Variants in ZNF528 observed in about 807,000 individuals in gnomAD.
ZNF528 encodes the protein zinc finger protein 528.
In ZNF528, 9 loss-of-function variants were observed where a neutral mutation model predicts 13.3. The observed-to-expected ratio is 0.67, with a 90% CI of 0.41 to 1.18. The LOEUF (loss-of-function observed/expected upper bound fraction) is 1.18. Among genes scored for constraint, ZNF528 ranks in the 50% most tolerant of loss-of-function variants. The pLI, the probability that ZNF528 is intolerant of heterozygous loss-of-function variation, is 0.01. For missense variants in ZNF528, 858 were observed against 745.4 expected, an observed-to-expected ratio of 1.15 and a Z score of -1.76; for synonymous variants, 264 against 254.3, an observed-to-expected ratio of 1.04 and a Z score of -0.36.
rs529226633 is a variant in ZNF528, at chr19:52,401,866, G to A, written c.-67-81G>A. The A allele has an allele frequency of 3.9e-6, 6 of 1,549,408 alleles. No homozygotes were observed. The East Asian group carries it at 7.3e-5, about 19-fold the overall frequency. ...AGTTTGAGGATTACCTCAGGGTGAG[G>A]TCTTCCCTTTGTGTGTGGCTATGGC... is the stretch of plus-strand genomic sequence containing the variant. On this transcript the variant is annotated intron_variant, in intron 3 of 6. Transcript: ENST00000360465.
At chr19:52,410,429 A>G (rs1210442676) in intron 6 of ZNF528, among the ~76,000 whole-genome samples, 1 of 152,208 alleles carries the variant, frequency 6.6e-6, no homozygotes, top group Non-Finnish European at 1.5e-5. Flanking sequence ...TAGATGTCCC[A>G]GTAGATAATC....
chr19:52,414,886 T>G (rs2058979199), intron 6 of ZNF528: 1 of 1,415,416 alleles, frequency 7.1e-7, no homozygotes, highest in South Asian at 1.2e-5. Context: ...CTGTTGTATT[T>G]CTCTGCTCAT....
intron 6 of ZNF528, chr19:52,414,544 T>A (rs1279376030): frequency 1.9e-6 from 1 of 531,756 alleles, no homozygotes; most frequent in African/African-American, 1.9e-5. Context: ...AACAATAGAC[T>A]GTAGATGTCC....
rs761080509 is a variant in ZNF528, at chr19:52,415,626, A to G, written c.774A>G (p.Gln258=). Residue 258 remains glutamine, a synonymous_variant, in exon 7 of 7, where the codon CAA becomes CAG. Coordinates refer to ENST00000360465, the MANE Select transcript of ZNF528 (RefSeq NM_032423.3). ...TCAGTAGCAATTCAAACCTTTCACA[A>G]CATCAAAGAATTCATACTGGAGAGA... ...KLFSSNSNLS[Q]HQRIHTGEKP... 3.1e-6 allele frequency: 5 copies of G among 1,614,078 alleles called. No individual in the cohort carries two copies. The African/African-American group carries it at 5.3e-5, about 17-fold the overall frequency.
chr19:52,403,685 A>G (rs568808922), intron 4 of ZNF528, among the ~76,000 whole-genome samples: 3 of 142,568 alleles, frequency 2.1e-5, no homozygotes, highest in East Asian at 4.1e-4. Context: ...AAAAAAAGTC[A>G]GTGAGAGACA....
intron 6 of ZNF528, among the ~76,000 whole-genome samples, chr19:52,407,566 A>G (rs2058873796): frequency 6.6e-6 from 1 of 150,408 alleles, no homozygotes; most frequent in Non-Finnish European, 1.5e-5. Flanking sequence ...ACTTGAGGCC[A>G]GGAGTCCGAG....
Position 52,416,035 on chromosome 19 carries a change from T to G in ZNF528, c.1183T>G (p.Phe395Val). Reference sequence around the variant, plus strand: ...TGACAAGGTCTTTGGGCGCAAGTGTTTCCTGACCTCTCATCAGAGAATTCA... The same window carrying G: ...TGACAAGGTCTTTGGGCGCAAGTGTGTCCTGACCTCTCATCAGAGAATTCA... ...ECDKVFGRKCFLTSHQRIHTR... is the reference protein window; with the variant it reads ...ECDKVFGRKCVLTSHQRIHTR... The change falls in exon 7 of 7, where the codon TTC becomes GTC. Residue 395 changes from phenylalanine to valine, a missense_variant. Transcript: ENST00000360465. 6.2e-7 allele frequency: 1 copy of G among 1,614,096 alleles called. No individual in the cohort carries two copies. Among genetic ancestry groups the G allele is most frequent in the Non-Finnish European group, 8.5e-7 (1 of 1,180,034 alleles).
chr19:52,416,410 C>G lies in ZNF528; in HGVS notation c.1558C>G (p.Pro520Ala). Residue 520 changes from proline (P) to alanine (A), a missense_variant, in exon 7 of 7, where the codon CCT (proline) becomes GCT (alanine). Transcript: ENST00000360465. ...TCAGAAAATTCATACAGGAGAAAAG[C>G]CTTACAAATGTAATCAATGTGGCAA... ...CHQKIHTGEK[P>A]YKCNQCGKVF... 6.2e-7 allele frequency: 1 copy of G among 1,614,100 alleles called. No homozygotes were observed. Among genetic ancestry groups the G allele is most frequent in the South Asian group, 1.1e-5 (1 of 91,078 alleles).
At chr19:52,406,800 G>C in intron 6 of ZNF528, 157 bp downstream of exon 6, 4 of 1,010,128 alleles carry the variant, frequency 4.0e-6, no homozygotes, top group Non-Finnish European at 5.4e-6. Flanking sequence ...CTCTTCCAAA[G>C]TGTTGGGATT....
At chr19:52,411,358 C>G (rs1056626256) in intron 6 of ZNF528, 4 of 152,166 alleles carry the variant, frequency 2.6e-5, no homozygotes, top group Admixed American at 2.0e-4. Context: ...AAATCTATTA[C>G]TACAAGAGGC....
chr19:52,409,098 A>G (rs1599830479), intron 6 of ZNF528, among the ~76,000 whole-genome samples: 1 of 152,140 alleles, frequency 6.6e-6, no homozygotes, highest in Non-Finnish European at 1.5e-5. Context: ...CACTTTCAAT[A>G]TATCACCTCA....
intron 2 of ZNF528, 50 bp from the exon 3 acceptor site, chr19:52,401,635 C>T: frequency 2.5e-6 from 3 of 1,222,304 alleles, no homozygotes; most frequent in Non-Finnish European, 2.1e-6. Context: ...TTTTAGGAAT[C>T]ACAGTTTATT....
intron 6 of ZNF528, chr19:52,413,966 A>G (rs2058965066): frequency 2.3e-6 from 1 of 442,464 alleles, no homozygotes. Context: ...GCAGAAGCTT[A>G]ATGTCTGTGA....
chr19:52,410,584 T>C (rs1427560808), intron 6 of ZNF528, among the ~76,000 whole-genome samples: 1 of 152,238 alleles, frequency 6.6e-6, no homozygotes, highest in Non-Finnish European at 1.5e-5. Context: ...GAGTTGGTCA[T>C]GTCTCTCAGG....
intron 4 of ZNF528, among the ~76,000 whole-genome samples, chr19:52,402,272 A>G (rs1285997789): frequency 6.6e-6 from 1 of 152,144 alleles, no homozygotes; most frequent in Non-Finnish European, 1.5e-5. Context: ...ACATGGATGG[A>G]GACGGGGTGT....
intron 6 of ZNF528, chr19:52,414,239 C>G (rs545560687): frequency 1.4e-6 from 1 of 702,574 alleles, no homozygotes; most frequent in Non-Finnish European, 2.6e-6. Flanking sequence ...TTGTTCACGT[C>G]CTCAAAGTCC....
intron 4 of ZNF528, among the ~76,000 whole-genome samples, chr19:52,405,333 C>T (rs183559386): frequency 5.7e-4 from 87 of 151,814 alleles, no homozygotes; most frequent in African/African-American, 1.9e-3. Flanking sequence ...GAGCTCAAGA[C>T]CAGCCTGAGC....
At chr19:52,402,970 A>AT (rs1430405093) in intron 4 of ZNF528, among the ~76,000 whole-genome samples, 1 of 152,194 alleles carries the variant, frequency 6.6e-6, no homozygotes, top group Non-Finnish European at 1.5e-5. Flanking sequence ...GTTTGAGACT[A>AT]TCCTGGACAC....
At chr19:52,410,540 T>G (rs2058918383) in intron 6 of ZNF528, among the ~76,000 whole-genome samples, 1 of 152,186 alleles carries the variant, frequency 6.6e-6, no homozygotes, top group Admixed American at 6.5e-5. Flanking sequence ...ATAAACAGTT[T>G]GCTGTTTGGT....
Sources: allele counts gnomAD v4.1 joint callset (sites outside exome capture counted in the v4.1 genomes callset), GRCh38; gene constraint gnomAD v4.1.1; transcripts MANE v1.5; gene names NCBI Gene and HGNC (gene_info 2026-07-23, HGNC 2026-07-21).